CNTN5: variants seen among roughly 807,000 people sequenced by gnomAD.
The protein encoded by CNTN5 is contactin-5.
Under a neutral mutation model 129.1 loss-of-function variants are expected in CNTN5, and 77 were observed. The ratio of observed to expected loss-of-function variants is 0.60; its 90% CI spans 0.50 to 0.72. CNTN5 has a LOEUF of 0.72. Among genes scored for constraint, CNTN5 ranks in the 30% least tolerant of loss-of-function variants. The pLI is 0.00. For synonymous variants in CNTN5, 509 were observed against 465.6 expected, an observed-to-expected ratio of 1.09 and a Z score of -1.20; for missense variants, 1,478 against 1,328.8, an observed-to-expected ratio of 1.11 and a Z score of -1.75.
intron 1 of CNTN5, among the ~76,000 whole-genome samples, chr11:99,259,740 A>C (rs1862543154): frequency 6.6e-6 from 1 of 151,890 alleles, no homozygotes; most frequent in Non-Finnish European, 1.5e-5. Context: ...AAATAATTTC[A>C]CATTTCTAGG....
chr11:99,722,349 G>A (rs775062398), intron 3 of CNTN5, among the ~76,000 whole-genome samples: 4 of 152,068 alleles, frequency 2.6e-5, no homozygotes, highest in Non-Finnish European at 5.9e-5. Flanking sequence ...AATGGAGCTG[G>A]AGGCAATTAT....
chr11:100,107,817 T>C (rs1228060142), intron 13 of CNTN5, among the ~76,000 whole-genome samples: 1 of 152,038 alleles, frequency 6.6e-6, no homozygotes, highest in Admixed American at 6.6e-5. Context: ...TACAAATGTA[T>C]ACACATACAT....
chr11:99,442,564 G>A (rs748320228), intron 2 of CNTN5, among the ~76,000 whole-genome samples: 8 of 152,192 alleles, frequency 5.3e-5, no homozygotes, highest in Middle Eastern at 3.4e-3. Flanking sequence ...TTCTATCAGC[G>A]TGTTTTATTT....
intron 21 of CNTN5, among the ~76,000 whole-genome samples, chr11:100,339,803 G>A (rs886425666): frequency 2.0e-5 from 3 of 152,172 alleles, no homozygotes; most frequent in Admixed American, 2.0e-4. Flanking sequence ...GACAGTCATT[G>A]ATCTCACAAA....
chr11:99,330,033 C>T (rs1239013089), intron 2 of CNTN5, among the ~76,000 whole-genome samples: 1 of 149,128 alleles, frequency 6.7e-6, no homozygotes, highest in African/African-American at 2.5e-5. Flanking sequence ...AAGTAGCATA[C>T]ATTTTTAACC....
chr11:100,037,625 G>A (rs1942095531), intron 9 of CNTN5, among the ~76,000 whole-genome samples: 1 of 152,048 alleles, frequency 6.6e-6, no homozygotes, highest in African/African-American at 2.4e-5. Context: ...GTAAACTATT[G>A]ATTATTGCCA....
intron 18 of CNTN5, among the ~76,000 whole-genome samples, chr11:100,290,952 T>G (rs1423335552): frequency 6.6e-6 from 1 of 151,682 alleles, no homozygotes; most frequent in African/African-American, 2.4e-5. Context: ...GCAAAGGACA[T>G]GAACAGACAC....
chr11:99,290,064 AT>A (rs1864104578), intron 1 of CNTN5, among the ~76,000 whole-genome samples: 1 of 151,818 alleles, frequency 6.6e-6, no homozygotes, highest in South Asian at 2.1e-4. Flanking sequence ...AACTCTGAAT[AT>A]TTTTAATACC....
intron 3 of CNTN5, among the ~76,000 whole-genome samples, chr11:99,746,744 G>C (rs768162352): frequency 6.6e-6 from 1 of 152,134 alleles, no homozygotes; most frequent in South Asian, 2.1e-4. Context: ...AATTGTCTTC[G>C]ACGAAACCAG....
chr11:99,197,294 C>A (rs1290378756), intron 1 of CNTN5, among the ~76,000 whole-genome samples: 1 of 151,662 alleles, frequency 6.6e-6, no homozygotes, highest in East Asian at 1.9e-4. Flanking sequence ...TAATAAGATA[C>A]TTAAATAGAT....
At chr11:99,499,697 T>C (rs1403157125) in intron 2 of CNTN5, among the ~76,000 whole-genome samples, 1 of 152,236 alleles carries the variant, frequency 6.6e-6, no homozygotes, top group African/African-American at 2.4e-5. Flanking sequence ...TTTGAAAATG[T>C]TAGTCAACTC....
intron 2 of CNTN5, among the ~76,000 whole-genome samples, chr11:99,469,002 C>T (rs1368817139): frequency 6.6e-6 from 1 of 152,022 alleles, no homozygotes; most frequent in African/African-American, 2.4e-5. Flanking sequence ...TACTCCTTGG[C>T]CTTCACAGCA....
chr11:100,125,834 C>A (rs1028977814), intron 13 of CNTN5, among the ~76,000 whole-genome samples: 1 of 151,774 alleles, frequency 6.6e-6, no homozygotes, highest in East Asian at 1.9e-4. Context: ...TTAGTTATTT[C>A]TTTTCTTCTC....
intron 1 of CNTN5, among the ~76,000 whole-genome samples, chr11:99,074,938 C>A (rs1020094224): frequency 6.6e-6 from 1 of 151,942 alleles, no homozygotes; most frequent in Non-Finnish European, 1.5e-5. Context: ...TAAAACATGC[C>A]GCATTGAAAA....
intron 2 of CNTN5, among the ~76,000 whole-genome samples, chr11:99,344,690 G>A (rs1022897274): frequency 6.6e-6 from 1 of 152,156 alleles, no homozygotes; most frequent in Admixed American, 6.5e-5. Flanking sequence ...AGTGAAGCTC[G>A]TGATCTCTGC....
intron 1 of CNTN5, among the ~76,000 whole-genome samples, chr11:99,216,683 A>G (rs1860136235): frequency 6.6e-6 from 1 of 152,162 alleles, no homozygotes; most frequent in African/African-American, 2.4e-5. Context: ...CTACTGGAAG[A>G]CAACATTGGG....
At chr11:99,459,634 A>AT (rs1591095104) in intron 2 of CNTN5, among the ~76,000 whole-genome samples, 1 of 151,952 alleles carries the variant, frequency 6.6e-6, no homozygotes. Context: ...TCAGGAATAT[A>AT]TTTTTTTCTA....
intron 1 of CNTN5, among the ~76,000 whole-genome samples, chr11:99,120,997 A>G (rs975687658): frequency 3.3e-5 from 5 of 152,152 alleles, no homozygotes; most frequent in Non-Finnish European, 5.9e-5. Flanking sequence ...TTACAATGAA[A>G]TGTTATTATA....
chr11:99,490,579 G>C (rs7937401), intron 2 of CNTN5, among the ~76,000 whole-genome samples: 1 of 151,954 alleles, frequency 6.6e-6, no homozygotes, highest in Non-Finnish European at 1.5e-5. Context: ...ACTTATTAGG[G>C]AGTGTGATCC....
Sources: allele counts gnomAD v4.1 joint callset (sites outside exome capture counted in the v4.1 genomes callset), GRCh38; gene constraint gnomAD v4.1.1; transcripts MANE v1.5; gene names NCBI Gene and HGNC (gene_info 2026-07-23, HGNC 2026-07-21).